TBC1D23: variants seen among roughly 807,000 people sequenced by gnomAD.
TBC1D23 encodes TBC1 domain family member 23.
Under a neutral mutation model 91.4 loss-of-function variants are expected in TBC1D23, and 55 were observed. That is an observed-to-expected ratio of 0.60 (90% CI 0.48 to 0.75). TBC1D23 has a LOEUF of 0.75. Among genes scored for constraint, TBC1D23 ranks in the 30% least tolerant of loss-of-function variants. TBC1D23 has a pLI of 0.00. For synonymous variants in TBC1D23, 289 were observed against 281.0 expected, an observed-to-expected ratio of 1.03 and a Z score of -0.28; for missense variants, 725 against 836.1, an observed-to-expected ratio of 0.87 and a Z score of 1.64.
At chr3:100,317,918 G>C (rs879647217) in intron 16 of TBC1D23, among the ~76,000 whole-genome samples, 1 of 150,232 alleles carries the variant, frequency 6.7e-6, no homozygotes, top group East Asian at 2.0e-4. Flanking sequence ...ATGCAGTTGA[G>C]TAGTCTACTT....
At chr3:100,319,617 G>A (rs575514037) in intron 17 of TBC1D23, among the ~76,000 whole-genome samples, 13 of 151,998 alleles carry the variant, frequency 8.6e-5, no homozygotes, top group South Asian at 2.1e-4. Context: ...TAGTAGAGAC[G>A]GGGTTTCTCT....
At chr3:100,312,935 C>T (rs778226914) in intron 15 of TBC1D23, among the ~76,000 whole-genome samples, 4 of 151,918 alleles carry the variant, frequency 2.6e-5, no homozygotes, top group East Asian at 1.9e-4. Flanking sequence ...GGGCGGATCA[C>T]GAGGTCAGGA....
At position 100,294,553 on chromosome 3, in the gene TBC1D23, G is replaced by C. The variant is rs189596792; in HGVS notation, c.601-534G>C. ...TGGGTTTACAGGTGTGAGCCACTGC[G>C]CCCGGCCTAATCTCTTTCAAGTGAT... On this transcript the variant is annotated intron_variant, in intron 5 of 18. Transcript: ENST00000394144. Among the ~76,000 whole-genome samples the C allele has an allele frequency of 4.7e-3, 713 of 152,198 alleles. 2 individuals are homozygous for C. Among genetic ancestry groups the C allele is most frequent in the Non-Finnish European group, 6.4e-3 (432 of 68,014 alleles).
At chr3:100,314,091 ATTTT>A (rs71299383) in intron 15 of TBC1D23, among the ~76,000 whole-genome samples, 1 of 94,586 alleles carries the variant, frequency 1.1e-5, no homozygotes, top group Non-Finnish European at 2.0e-5. Flanking sequence ...AGGCTACAAA[ATTTT>A]TTTTTTTTTT....
intron 1 of TBC1D23, among the ~76,000 whole-genome samples, chr3:100,269,724 GTAACCAGCGTCC>G (rs1326975534): frequency 6.6e-6 from 1 of 152,174 alleles, no homozygotes; most frequent in Non-Finnish European, 1.5e-5. Context: ...GTAGTACTTT[GTAACCAGCGTCC>G]TAACAATAGT....
In TBC1D23 at chr3:100,261,226, G is replaced by GC. The variant is rs879033427; in HGVS notation, c.53+160dup. 71 of 678,634 alleles carry GC rather than the reference G, an allele frequency of 1.0e-4. No homozygotes were observed. In the South Asian group the frequency reaches 1.2e-3, roughly 12 times the overall value. 42.0% of individuals were successfully genotyped at this position (678,634 alleles called of 1,614,324 possible). On this transcript the variant is annotated intron_variant, in intron 1 of 18. Coordinates refer to ENST00000394144, the MANE Select transcript of TBC1D23 (RefSeq NM_001199198.3). ...TGCCCTACCCCTCTGCCAGCTGGGT[G>GC]CCCCCTGCCTGCCTGGTTCTGCCCA...
intron 1 of TBC1D23, among the ~76,000 whole-genome samples, chr3:100,262,723 C>CA (rs1174689237): frequency 0.24 from 12,544 of 51,392 alleles, 2,280 homozygotes; most frequent in Non-Finnish European, 0.29. Flanking sequence ...GGCTCGGTCT[C>CA]AAAAAAAAAA....
rs1330191029 is a variant in TBC1D23, at chr3:100,297,831, A to AT, written c.877-88dup. On this transcript the variant is annotated intron_variant, in intron 8 of 18. Coordinates refer to ENST00000394144, the MANE Select transcript of TBC1D23 (RefSeq NM_001199198.3). ...AAAATCACAACTCAAGAGTATTATA[A>AT]TTTTACCTTTTATCATGGTTTAATA... The AT allele has an allele frequency of 1.2e-4, 129 of 1,120,768 alleles. 1 individual carries two copies. In the Admixed American group the frequency reaches 2.4e-3, roughly 21 times the overall value. The allele number at this position is 1,120,768 out of a possible 1,614,324, so 69.4% of individuals were successfully genotyped here.
intron 17 of TBC1D23, 21 bp downstream of exon 17, chr3:100,319,225 A>T: frequency 1.3e-6 from 2 of 1,586,328 alleles, no homozygotes; most frequent in Non-Finnish European, 1.7e-6. Context: ...AAATGTCTTC[A>T]TAAGAAGTAA....
At chr3:100,294,914 C>T (rs1461533338) in intron 5 of TBC1D23, among the ~76,000 whole-genome samples, 173 bp from the exon 6 acceptor site, 1 of 152,160 alleles carries the variant, frequency 6.6e-6, no homozygotes, top group Non-Finnish European at 1.5e-5. Flanking sequence ...GCTCCATTGT[C>T]CCTTGAATTC....
chr3:100,306,500 T>C lies in TBC1D23; in HGVS notation c.1370T>C (p.Ile457Thr), dbSNP rs1275906945. The change falls in exon 13 of 19, where the codon ATT becomes ACT. Residue 457 changes from isoleucine (I) to threonine (T), a missense_variant. Coordinates refer to ENST00000394144, the MANE Select transcript of TBC1D23 (RefSeq NM_001199198.3). ...DGPENGYGHW[I>T]ASTSGSRSSI... ...CCAGAAAATGGATATGGCCATTGGA[T>C]TGCTAGTACCTCAGGCTCAAGGAGC... 6.2e-7 allele frequency: 1 copy of C among 1,612,396 alleles called. No individual in the cohort carries two copies. The highest frequency in any genetic ancestry group is 1.1e-5 in the South Asian group (1 of 91,036).
chr3:100,318,110 G>A lies in TBC1D23; in HGVS notation c.1688-959G>A, dbSNP rs74512287. Among the ~76,000 whole-genome samples the A allele has an allele frequency of 5.2e-3, 790 of 151,974 alleles. 12 individuals carry two copies. The highest frequency in any genetic ancestry group is 0.017 in the African/African-American group (725 of 41,466). The stretch of plus-strand genomic sequence containing the variant: ...TGGGGAAGGGAGGAGAATGTGAGTA[G>A]GAGGAGATACATGAGAGTTTCACTT... On this transcript the variant is annotated intron_variant, in intron 16 of 18. Transcript: ENST00000394144.
intron 4 of TBC1D23, among the ~76,000 whole-genome samples, chr3:100,290,238 C>CT (rs2067777919): frequency 6.6e-6 from 1 of 152,144 alleles, no homozygotes; most frequent in South Asian, 2.1e-4. Context: ...AGAAGTTCCT[C>CT]TTTTTTGGCA....
At chr3:100,316,208 A>G in intron 16 of TBC1D23, 21 bp downstream of exon 16, 3 of 1,566,968 alleles carry the variant, frequency 1.9e-6, no homozygotes, top group Non-Finnish European at 2.6e-6. Flanking sequence ...ACACTTAGCT[A>G]CAGACAGCTT....
chr3:100,298,179 G>C, intron 9 of TBC1D23, 134 bp downstream of exon 9: 1 of 680,828 alleles, frequency 1.5e-6, no homozygotes, highest in Non-Finnish European at 2.4e-6. Context: ...TTGAATGATT[G>C]TGTTAAATGT....
rs138538561 is a variant in TBC1D23 at position 100,305,542 on chromosome 3, C to A, written c.1306+654C>A. 3.5e-3 allele frequency among the ~76,000 whole-genome samples: 536 copies of A among 152,172 alleles called. 2 individuals carry two copies. The highest frequency in any genetic ancestry group is 6.8e-3 in the Middle Eastern group (2 of 294). On this transcript the variant is annotated intron_variant, in intron 12 of 18. Coordinates refer to ENST00000394144, the MANE Select transcript of TBC1D23 (RefSeq NM_001199198.3). ...TGCTGGGGAAAATTAATGATCAAAT[C>A]AAATCAATATGTAAGAATCACATGC... is the stretch of plus-strand genomic sequence containing the variant.
intron 1 of TBC1D23, among the ~76,000 whole-genome samples, chr3:100,264,884 A>G (rs781657384): frequency 2.6e-4 from 39 of 152,214 alleles, no homozygotes; most frequent in Non-Finnish European, 4.6e-4. Flanking sequence ...GCTTGTTAAA[A>G]TGCTCTCCAG....
rs771334418 is a variant in TBC1D23 at position 100,279,701 on chromosome 3, T to C, written c.106T>C (p.Leu36=). The C allele has an allele frequency of 1.8e-5, 29 of 1,609,324 alleles. No homozygotes were observed. The highest frequency in any genetic ancestry group is 2.1e-5 in the Non-Finnish European group (25 of 1,176,800). The change falls in exon 2 of 19, where the codon TTG becomes CTG. Residue 36 remains leucine (L), a synonymous_variant. Coordinates refer to ENST00000394144, the MANE Select transcript of TBC1D23 (RefSeq NM_001199198.3). ...LEAGGCDLET[L]RNIIQGRPLP... is the part of the protein sequence containing the mutation. ...AGCAGGAGGTTGTGATCTTGAAACG[T>C]TGAGAAATATAATTCAAGGAAGACC...
Position 100,298,117 on chromosome 3 carries a change from C to A in TBC1D23, c.999+72C>A, listed in dbSNP as rs1192936595. On this transcript the variant is annotated intron_variant, in intron 9 of 18. Coordinates refer to ENST00000394144, the MANE Select transcript of TBC1D23 (RefSeq NM_001199198.3). ...ACAAGGAACCAACTTCCTCCCTGTT[C>A]ATTGATTCCCACAAAATCAATTTAC... The A allele has an allele frequency of 4.2e-5, 56 of 1,319,016 alleles. No homozygotes were observed. In the East Asian group the frequency reaches 1.2e-3, roughly 27 times the overall value. The allele number at this position is 1,319,016 out of a possible 1,614,324, so 81.7% of individuals were successfully genotyped here. A position where few individuals can be genotyped will look rare whatever the true frequency, so the allele number is the denominator to read the frequency against.
Sources: gnomAD v4.1 joint callset for allele counts (sites outside exome capture counted in the v4.1 genomes callset) on GRCh38, gnomAD v4.1.1 for gene constraint, MANE v1.5 for transcripts, NCBI Gene and HGNC (gene_info 2026-07-23, HGNC 2026-07-21) for gene names.